Variants in NDST1 observed in about 807,000 individuals in gnomAD.
NDST1 encodes the protein bifunctional heparan sulfate N-deacetylase/N-sulfotransferase 1.
NDST1 carries 35 observed loss-of-function variants against 92.8 expected under a neutral mutation model. That is an observed-to-expected ratio of 0.38 (90% CI 0.29 to 0.50). The LOEUF (loss-of-function observed/expected upper bound fraction) is 0.50, where lower values mean the gene tolerates loss of function less well. NDST1 is among the 20% of genes least tolerant of loss of function. NDST1 has a pLI of 0.94. For missense variants in NDST1, 822 were observed against 1,182.7 expected (o/e 0.69, Z 4.47); for synonymous variants, 493 against 500.3 (o/e 0.99, Z 0.19).
chr5:150,497,895 C>T (rs1753065228), upstream of NDST1: 1 of 152,296 alleles, frequency 6.6e-6, no homozygotes, highest in South Asian at 2.1e-4. Context: ...GGAGTCGGCT[C>T]CCTCTGCTAC....
intron 6 of NDST1, 105 bp from the exon 7 acceptor site, chr5:150,539,123 C>G: frequency 1.1e-6 from 1 of 933,628 alleles, no homozygotes; most frequent in Non-Finnish European, 1.7e-6. Flanking sequence ...CACATGGAGA[C>G]TGCCTTTCTG....
Position 150,553,233 on chromosome 5 carries a change from C to T in NDST1, c.2550C>T (p.Asp850=). The T allele has an allele frequency of 6.2e-7, 1 of 1,613,686 alleles. No individual in the cohort carries two copies. Among genetic ancestry groups the T allele is most frequent in the Non-Finnish European group, 8.5e-7 (1 of 1,179,654 alleles). Residue 850 remains aspartate (D), a synonymous_variant, in exon 15 of 15, where the codon GAC becomes GAT. Coordinates refer to ENST00000261797, the MANE Select transcript of NDST1 (RefSeq NM_001543.5). This position sits in a 1 kb window ranked among gnomAD's most constrained non-coding sequence, Gnocchi z 4.2. ...TACAGTCCCGAGCCTTCCTGAAGGACTATTACCGGGACCACAACATCGAGC... is the reference window on the plus strand; with the variant it reads ...TACAGTCCCGAGCCTTCCTGAAGGATTATTACCGGGACCACAACATCGAGC... ...MDLDSRAFLK[D]YYRDHNIELS...
At chr5:150,504,132 A>C (rs953274568), upstream of NDST1, among the ~76,000 whole-genome samples, 2 of 152,188 alleles carry the variant, frequency 1.3e-5, no homozygotes, top group African/African-American at 4.8e-5. Context: ...ATGCCAGCCA[A>C]GCCCTCTGCT....
rs1324271604 is a variant in NDST1, at chr5:150,548,253, G to A, written c.2181G>A (p.Lys727=). 6.2e-7 allele frequency: 1 copy of A among 1,614,056 alleles called. No homozygotes were observed. The highest frequency in any genetic ancestry group is 2.2e-5 in the East Asian group (1 of 44,898). ...CCCATGACGACCCAGTGGCCCTAAA[G>A]TACACCTTCCATGAGGTGATTACCG... is the stretch of plus-strand genomic sequence containing the variant. ...QRAHDDPVAL[K]YTFHEVITAG... Residue 727 remains lysine, a synonymous_variant, in exon 12 of 15, where the codon AAG becomes AAA. Coordinates refer to ENST00000261797, the MANE Select transcript of NDST1 (RefSeq NM_001543.5).
chr5:150,543,186 A>G (rs913646561), intron 10 of NDST1, among the ~76,000 whole-genome samples: 3 of 152,174 alleles, frequency 2.0e-5, no homozygotes, highest in Admixed American at 6.5e-5. Flanking sequence ...CCTTTGCTCT[A>G]CCGCCTGTAG....
chr5:150,507,223 A>AG (rs1753498226), upstream of NDST1, among the ~76,000 whole-genome samples: 1 of 151,792 alleles, frequency 6.6e-6, no homozygotes, highest in South Asian at 2.1e-4. Flanking sequence ...GAGCCTGGAA[A>AG]GCCAGCCCAA....
intron 11 of NDST1, among the ~76,000 whole-genome samples, chr5:150,545,991 C>CTTT (rs34937690): frequency 2.2e-3 from 188 of 83,662 alleles, no homozygotes; most frequent in East Asian, 4.5e-3. Context: ...CCAGAGCTGT[C>CTTT]TTTTTTTTTT....
At chr5:150,544,927 G>GC in intron 10 of NDST1, among the ~76,000 whole-genome samples, 1 of 152,256 alleles carries the variant, frequency 6.6e-6, no homozygotes, top group East Asian at 1.9e-4. Context: ...GCCACTCTGA[G>GC]CCCCAGCTCG....
intron 11 of NDST1, among the ~76,000 whole-genome samples, chr5:150,546,075 G>A (rs1325957749): frequency 2.1e-5 from 3 of 140,002 alleles, no homozygotes; most frequent in East Asian, 4.3e-4. Context: ...TCAACTCACT[G>A]CAACATCCGC....
intron 1 of NDST1, among the ~76,000 whole-genome samples, chr5:150,501,381 A>G (rs1753221125): frequency 6.6e-6 from 1 of 152,196 alleles, no homozygotes; most frequent in African/African-American, 2.4e-5. Context: ...AGGACTCAGA[A>G]GTTCTCCCTC....
chr5:150,554,526 A>T lies in NDST1; in HGVS notation c.*1194A>T, dbSNP rs1755831611. 1 of 152,520 alleles carries T rather than the reference A, an allele frequency of 6.6e-6. No homozygotes were observed. The highest frequency in any genetic ancestry group is 1.5e-5 in the Non-Finnish European group (1 of 68,038). 9.4% of individuals were successfully genotyped at this position (152,520 alleles called of 1,614,324 possible). On this transcript the variant is annotated 3_prime_UTR_variant, in exon 15 of 15. Coordinates refer to ENST00000261797, the MANE Select transcript of NDST1 (RefSeq NM_001543.5). ...AGTGGCCTGGGGCTGAGCAGACCTTAGGAAGGGGCCCTCCCCAGTGCCGTG... is the reference window on the plus strand; with the variant it reads ...AGTGGCCTGGGGCTGAGCAGACCTTTGGAAGGGGCCCTCCCCAGTGCCGTG...
chr5:150,527,829 C>T lies in NDST1; in HGVS notation c.539C>T (p.Ala180Val), dbSNP rs374701769. The T allele has an allele frequency of 9.3e-6, 15 of 1,613,936 alleles. No individual in the cohort carries two copies. The highest frequency in any genetic ancestry group is 2.2e-5 in the East Asian group (1 of 44,898). ...FKANENSLLS[A>V]QLKGFPLFLH... ...GCCAATGAGAACAGCCTGCTGAGTG[C>T]GCAGCTCAAGGGCTTCCCCCTGTTC... Residue 180 changes from alanine to valine, a missense_variant, in exon 3 of 15, where the codon GCG (alanine) becomes GTG (valine). Coordinates refer to ENST00000261797, the MANE Select transcript of NDST1 (RefSeq NM_001543.5).
In NDST1 at chr5:150,556,093, G is replaced by A. The variant is rs1483840723; in HGVS notation, c.*2761G>A. On this transcript the variant is annotated 3_prime_UTR_variant, in exon 15 of 15. Coordinates refer to ENST00000261797, the MANE Select transcript of NDST1 (RefSeq NM_001543.5). ...CCTCCCGAGAAGAGAAGCCACAGAT[G>A]AGTGGGCCAGCGAGGCCAGTCTTCA... The A allele has an allele frequency of 6.6e-6, 1 of 152,256 alleles. No homozygotes were observed. Among genetic ancestry groups the A allele is most frequent in the Non-Finnish European group, 1.5e-5 (1 of 68,072 alleles). The allele number at this position is 152,256 out of a possible 1,614,324, so 9.4% of individuals were successfully genotyped here.
chr5:150,525,346 G>A (rs1754423705), intron 2 of NDST1, among the ~76,000 whole-genome samples: 2 of 152,186 alleles, frequency 1.3e-5, no homozygotes, highest in South Asian at 4.1e-4. Context: ...GCTCAGGGTC[G>A]GGACTTTGAA....
At chr5:150,522,177 T>C (rs1190294602) in intron 2 of NDST1, among the ~76,000 whole-genome samples, 3 of 152,098 alleles carry the variant, frequency 2.0e-5, no homozygotes, top group Non-Finnish European at 2.9e-5. Flanking sequence ...ATGTGAGGTT[T>C]TGCAGCCTGT....
intron 1 of NDST1, among the ~76,000 whole-genome samples, chr5:150,511,390 G>A (rs1392735564): frequency 6.6e-6 from 1 of 152,170 alleles, no homozygotes; most frequent in African/African-American, 2.4e-5. Flanking sequence ...TGCGTGGTGG[G>A]ATGTGGAGCA....
At chr5:150,516,976 AGTGTGT>A (rs56170880) in intron 1 of NDST1, among the ~76,000 whole-genome samples, 2,701 of 143,742 alleles carry the variant, frequency 0.019, 48 homozygotes, top group African/African-American at 0.056. Context: ...GACATTTTCT[AGTGTGT>A]GTGTGTGTGT....
At position 150,521,826 on chromosome 5, in the gene NDST1, A is replaced by T; in HGVS notation, c.513+59A>T. ...AGCCCCCTCTGCAGCTCAGTGCCTG[A>T]ATTCTCATTTGTGAAATAGGTGTAA... On this transcript the variant is annotated intron_variant, in intron 2 of 14. Transcript: ENST00000261797. The surrounding 1 kb of genome is among the most constrained non-coding windows in gnomAD (Gnocchi z 5.9). The T allele has an allele frequency of 1.2e-6, 2 of 1,601,558 alleles. No individual in the cohort carries two copies. The highest frequency in any genetic ancestry group is 1.7e-6 in the Non-Finnish European group (2 of 1,177,852).
At chr5:150,504,159 C>T (rs963678417), upstream of NDST1, among the ~76,000 whole-genome samples, 1 of 152,204 alleles carries the variant, frequency 6.6e-6, no homozygotes, top group East Asian at 1.9e-4. Flanking sequence ...AGCCTGTTTC[C>T]CAGCAGTTGA....
Sources: allele counts gnomAD v4.1 joint callset (sites outside exome capture counted in the v4.1 genomes callset), GRCh38; gene constraint gnomAD v4.1.1; non-coding constraint Gnocchi (gnomAD v3.1); transcripts MANE v1.5; gene names NCBI Gene and HGNC (gene_info 2026-07-23, HGNC 2026-07-21).